CEP63: variants seen among roughly 807,000 people sequenced by gnomAD.
CEP63 encodes centrosomal protein 63.
A neutral mutation model predicts 89.1 loss-of-function variants in CEP63; 84 were observed. That is an observed-to-expected ratio of 0.94 (90% CI 0.79 to 1.13). The LOEUF (loss-of-function observed/expected upper bound fraction) is 1.13. Ranked by LOEUF, CEP63 falls within the 50% of genes most tolerant of loss-of-function variation. The probability of loss-of-function intolerance (pLI) is 0.00; values close to 1 mark genes in which losing one functional copy is unlikely to be tolerated. For missense variants in CEP63, 838 were observed against 813.3 expected (o/e 1.03, Z -0.37); for synonymous variants, 267 against 272.5 (o/e 0.98, Z 0.20).
intron 5 of CEP63, 24 bp from the exon 6 acceptor site, chr3:134,537,131 T>A: frequency 6.9e-7 from 1 of 1,445,752 alleles, no homozygotes; most frequent in South Asian, 1.1e-5. Flanking sequence ...ACTCAGAAAT[T>A]AAGTACTCTA....
In CEP63 at chr3:134,558,438, A is replaced by G. The variant is rs191239937; in HGVS notation, c.1673+91A>G. ...ATAATTTTTGACTTACAGAAATTAA[A>G]TCTTCATCAAAGGACTCTATGTTTA... On this transcript the variant is annotated intron_variant, in intron 13 of 14. Coordinates refer to ENST00000675561, the MANE Select transcript of CEP63 (RefSeq NM_001353108.3). 2.3e-4 allele frequency: 214 copies of G among 923,832 alleles called. No individual in the cohort carries two copies. The East Asian group carries it at 5.0e-3, about 22-fold the overall frequency. 57.2% of individuals were successfully genotyped at this position (923,832 alleles called of 1,614,324 possible). A position where few individuals can be genotyped will look rare whatever the true frequency, so the allele number is the denominator to read the frequency against.
At chr3:134,754,967 G>A in the CEP63 span, among the ~76,000 whole-genome samples, 3 of 152,128 alleles carry the variant, frequency 2.0e-5, no homozygotes, top group African/African-American at 7.2e-5. Flanking sequence ...TGCACCCTGG[G>A]CTCCCTCTTC....
the CEP63 span, among the ~76,000 whole-genome samples, chr3:134,681,843 C>T: frequency 6.6e-6 from 1 of 152,152 alleles, no homozygotes; most frequent in Non-Finnish European, 1.5e-5. Context: ...TATCACTGCC[C>T]CATCTTATAA....
intron 2 of CEP63, among the ~76,000 whole-genome samples, chr3:134,503,989 G>A (rs867103917): frequency 3.3e-5 from 5 of 152,046 alleles, no homozygotes; most frequent in Admixed American, 6.5e-5. Context: ...TTACATTCAG[G>A]GTTGTTATAG....
chr3:134,765,395 A>G, the CEP63 span, among the ~76,000 whole-genome samples: 123 of 152,312 alleles, frequency 8.1e-4, no homozygotes, highest in African/African-American at 2.8e-3. Flanking sequence ...ATGAGGATAC[A>G]ACAGACCAAG....
the CEP63 span, among the ~76,000 whole-genome samples, chr3:134,763,251 C>T: frequency 0.012 from 1,769 of 152,148 alleles, 39 homozygotes; most frequent in African/African-American, 0.041. Context: ...CCACAACAGG[C>T]CCCAGTGTGT....
chr3:134,529,269 C>T (rs1273202087), intron 3 of CEP63, among the ~76,000 whole-genome samples: 2 of 151,588 alleles, frequency 1.3e-5, no homozygotes, highest in South Asian at 2.1e-4. Flanking sequence ...TATTCATTCA[C>T]AGTTTATTTA....
chr3:134,524,038 AT>A (rs1948102708), intron 3 of CEP63, among the ~76,000 whole-genome samples: 1 of 152,004 alleles, frequency 6.6e-6, no homozygotes, highest in African/African-American at 2.4e-5. Flanking sequence ...ATGTTTTTCC[AT>A]TTGTTTGTGT....
chr3:134,714,634 A>G, the CEP63 span, among the ~76,000 whole-genome samples: 42 of 152,202 alleles, frequency 2.8e-4, no homozygotes, highest in Non-Finnish European at 5.1e-4. Flanking sequence ...TCACACAAAC[A>G]TTATCCACTC....
chr3:134,560,746 T>A (rs1957201485), intron 14 of CEP63, among the ~76,000 whole-genome samples: 1 of 152,160 alleles, frequency 6.6e-6, no homozygotes, highest in Non-Finnish European at 1.5e-5. Flanking sequence ...TATGTGTGTG[T>A]GTGTGTATTT....
chr3:134,707,739 C>CTTTTTTTTT, the CEP63 span, among the ~76,000 whole-genome samples: 506 of 119,378 alleles, frequency 4.2e-3, 5 homozygotes, highest in Non-Finnish European at 7.0e-3. Flanking sequence ...TGATTCTTTT[C>CTTTTTTTTT]TTTTTTTTTT....
chr3:134,735,838 T>C, the CEP63 span, among the ~76,000 whole-genome samples: 92 of 152,112 alleles, frequency 6.0e-4, no homozygotes, highest in African/African-American at 2.0e-3. Flanking sequence ...TTATAGCAAG[T>C]CTGTCAAGCT....
At chr3:134,739,913 C>T in the CEP63 span, among the ~76,000 whole-genome samples, 2 of 152,160 alleles carry the variant, frequency 1.3e-5, no homozygotes, top group Non-Finnish European at 2.9e-5. Context: ...CCCATCACCT[C>T]CTGCTATGAC....
At chr3:134,527,418 C>T (rs1948886291) in intron 3 of CEP63, among the ~76,000 whole-genome samples, 1 of 152,048 alleles carries the variant, frequency 6.6e-6, no homozygotes, top group African/African-American at 2.4e-5. Flanking sequence ...AAGGAAGGGG[C>T]ACTGGTGGAG....
chr3:134,619,131 A>C, the CEP63 span: 6 of 1,594,838 alleles, frequency 3.8e-6, no homozygotes, highest in South Asian at 1.1e-5. Context: ...CAGCATGGGG[A>C]CTCCTGTCTC....
At chr3:134,615,014 G>C in the CEP63 span, among the ~76,000 whole-genome samples, 9 of 152,326 alleles carry the variant, frequency 5.9e-5, no homozygotes, top group African/African-American at 1.4e-4. Flanking sequence ...TTTCTATACT[G>C]CAGCAGGACA....
chr3:134,509,723 A>T (rs139050946), intron 3 of CEP63, among the ~76,000 whole-genome samples: 266 of 152,368 alleles, frequency 1.7e-3, no homozygotes, highest in Admixed American at 2.0e-3. Context: ...TTTAGGAAAT[A>T]CACAGAAAAT....
Position 134,495,372 on chromosome 3 carries a change from T to G in CEP63, c.44+8T>G. ...AAATCGAGGGCATGGTGGGTAAGTT[T>G]GCTTTTTTTAAAATTAATTTTTTTG... On this transcript the variant is annotated splice_region_variant and intron_variant, in intron 2 of 14. Coordinates refer to ENST00000675561, the MANE Select transcript of CEP63 (RefSeq NM_001353108.3). 6.2e-7 allele frequency: 1 copy of G among 1,606,824 alleles called. No homozygotes were observed. Among genetic ancestry groups the G allele is most frequent in the Non-Finnish European group, 8.5e-7 (1 of 1,173,626 alleles).
At chr3:134,698,726 A>T in the CEP63 span, among the ~76,000 whole-genome samples, 1 of 152,194 alleles carries the variant, frequency 6.6e-6, no homozygotes, top group Non-Finnish European at 1.5e-5. Context: ...GTAGTCTGAT[A>T]CTGCTCTCTC....
Sources: allele counts gnomAD v4.1 joint callset (sites outside exome capture counted in the v4.1 genomes callset), GRCh38; gene constraint gnomAD v4.1.1; transcripts MANE v1.5; gene names NCBI Gene and HGNC (gene_info 2026-07-23, HGNC 2026-07-21).